GCN1: variants seen among roughly 807,000 people sequenced by gnomAD.
GCN1 encodes the protein stalled ribosome sensor GCN1.
Under a neutral mutation model 288.4 loss-of-function variants are expected in GCN1, and 90 were observed. The ratio of observed to expected loss-of-function variants is 0.31; its 90% CI spans 0.26 to 0.37. The LOEUF (loss-of-function observed/expected upper bound fraction) is 0.37. Ranked by LOEUF, GCN1 falls within the 10% of genes least tolerant of loss-of-function variation. The pLI, the probability that GCN1 is intolerant of heterozygous loss-of-function variation, is 1.00. For synonymous variants in GCN1, 1,386 were observed against 1,420.2 expected (o/e 0.98, Z 0.54); for missense variants, 2,586 against 3,419.9 (o/e 0.76, Z 6.08).
chr12:120,169,988 TC>T (rs1197075247), intron 15 of GCN1, among the ~76,000 whole-genome samples, 180 bp downstream of exon 15: 3 of 152,178 alleles, frequency 2.0e-5, no homozygotes, highest in African/African-American at 7.2e-5. Context: ...AGTGACACAG[TC>T]CCCTGACTGC....
intron 5 of GCN1, among the ~76,000 whole-genome samples, chr12:120,182,945 A>C (rs1346144949): frequency 6.6e-6 from 1 of 151,424 alleles, no homozygotes; most frequent in Non-Finnish European, 1.5e-5. Flanking sequence ...AAAAAAAAAA[A>C]AAAAAAACTA....
Position 120,184,807 on chromosome 12 carries a change from C to T in GCN1, c.185+17G>A. ...GTACAAAGTGCTCCACATATGGGGC[C>T]TTTGGCTGGGACTCACCTATATCGA... On this transcript the variant is annotated intron_variant, in intron 3 of 57. Coordinates refer to ENST00000300648, the MANE Select transcript of GCN1 (RefSeq NM_006836.2). 6.3e-7 allele frequency: 1 copy of T among 1,588,132 alleles called. No individual in the cohort carries two copies.
At position 120,131,191 on chromosome 12, in the gene GCN1, C is replaced by T. The variant is rs372015112; in HGVS notation, c.7557G>A (p.Ala2519=). 90 of 1,613,932 alleles carry T rather than the reference C, an allele frequency of 5.6e-5. No individual in the cohort carries two copies. The East Asian group carries it at 6.2e-4, about 11-fold the overall frequency. ...TATGGCCCGAATGCCTTACCCTGTC[C>T]GCCGTGGCACTGCTCAGGATCATTT... ...VQEMILSSAT[A]DRIPIAVSGV... The change falls in exon 55 of 58, where the codon GCG becomes GCA. Residue 2519 remains alanine, a synonymous_variant. Transcript: ENST00000300648.
chr12:120,136,849 A>G, intron 50 of GCN1, 117 bp from the exon 51 acceptor site: 3 of 720,974 alleles, frequency 4.2e-6, no homozygotes, highest in Non-Finnish European at 7.1e-6. Flanking sequence ...GGAGATATTG[A>G]TTTGGGCTGA....
At chr12:120,173,934 TATTTCAG>T in intron 13 of GCN1, 108 bp from the exon 14 acceptor site, 7 of 1,060,470 alleles carry the variant, frequency 6.6e-6, no homozygotes, top group Middle Eastern at 2.0e-4. Flanking sequence ...GAAGCAGTGA[TATTTCAG>T]ACAGCTACGA....
intron 22 of GCN1, among the ~76,000 whole-genome samples, chr12:120,160,456 AG>A (rs1188211600): frequency 6.6e-6 from 1 of 152,214 alleles, no homozygotes; most frequent in South Asian, 2.1e-4. Context: ...AGACAGCAAT[AG>A]AGAAGTAGTT....
chr12:120,192,470 G>A (rs1879034026), intron 1 of GCN1, among the ~76,000 whole-genome samples: 2 of 152,222 alleles, frequency 1.3e-5, no homozygotes, highest in Admixed American at 1.3e-4. Flanking sequence ...GCTCACGCCT[G>A]TAATCCCAGC....
At chr12:120,157,045 C>T (rs1331956039) in intron 26 of GCN1, 53 bp from the exon 27 acceptor site, 21 of 1,257,898 alleles carry the variant, frequency 1.7e-5, no homozygotes, top group Non-Finnish European at 2.3e-5. Context: ...GGTCTGTAAC[C>T]CAGGCGGCCA....
At chr12:120,146,258 T>A in intron 38 of GCN1, among the ~76,000 whole-genome samples, 1 of 131,248 alleles carries the variant, frequency 7.6e-6, no homozygotes, top group East Asian at 2.2e-4. Context: ...AGAGCAAGAC[T>A]CCATCTCAAA....
At chr12:120,184,078 C>T (rs1414489439) in intron 4 of GCN1, 34 bp downstream of exon 4, 4 of 1,593,316 alleles carry the variant, frequency 2.5e-6, no homozygotes, top group Non-Finnish European at 3.4e-6. Context: ...AGGACTGTAC[C>T]AATTCTCAGG....
chr12:120,157,808 T>A, intron 26 of GCN1, 41 bp downstream of exon 26: 1 of 1,548,482 alleles, frequency 6.5e-7, no homozygotes, highest in Non-Finnish European at 8.9e-7. Flanking sequence ...GCCTCCCTGA[T>A]CCCCTTTAAA....
At position 120,160,134 on chromosome 12, in the gene GCN1, C is replaced by A. The variant is rs772661323; in HGVS notation, c.2550+8G>T. 4 of 1,598,072 alleles carry A rather than the reference C, an allele frequency of 2.5e-6. No homozygotes were observed. Among genetic ancestry groups the A allele is most frequent in the Non-Finnish European group, 8.6e-7 (1 of 1,166,370 alleles). ...CGGCTTGAGCATGTGGCGGAGGTGGCCACTCACCTCCTGCAGCCGCCTCCG... is the reference window on the plus strand; with the variant it reads ...CGGCTTGAGCATGTGGCGGAGGTGGACACTCACCTCCTGCAGCCGCCTCCG... On this transcript the variant is annotated splice_region_variant and intron_variant, in intron 23 of 57. Transcript: ENST00000300648.
intron 14 of GCN1, among the ~76,000 whole-genome samples, chr12:120,172,127 G>A (rs756963022): frequency 8.5e-5 from 13 of 152,068 alleles, no homozygotes; most frequent in African/African-American, 4.8e-5. Context: ...GCCTCCCAAA[G>A]TGTTGGGATT....
intron 54 of GCN1, 113 bp from the exon 55 acceptor site, chr12:120,131,446 G>A: frequency 9.8e-7 from 1 of 1,019,886 alleles, no homozygotes; most frequent in South Asian, 1.5e-5. Flanking sequence ...CAGAGCACAA[G>A]GAAAACTCCA....
chr12:120,173,025 A>G (rs17415494), intron 14 of GCN1, among the ~76,000 whole-genome samples: 3,790 of 150,640 alleles, frequency 0.025, 93 homozygotes, highest in Middle Eastern at 0.052. Flanking sequence ...TCCAGAGTAA[A>G]GTTTACACGA....
Position 120,144,589 on chromosome 12 carries a change from C to T in GCN1, c.5352+50G>A, listed in dbSNP as rs1384257548. 1 of 1,562,544 alleles carries T rather than the reference C, an allele frequency of 6.4e-7. No homozygotes were observed. The highest frequency in any genetic ancestry group is 8.8e-7 in the Non-Finnish European group (1 of 1,137,328). Reference sequence around the variant, plus strand: ...CTCTAGCTCTCCAGGTGAGCACTTGCCTCCTGCCCTCCTCAAGGACTCTAC... The same window carrying T: ...CTCTAGCTCTCCAGGTGAGCACTTGTCTCCTGCCCTCCTCAAGGACTCTAC... On this transcript the variant is annotated intron_variant, in intron 41 of 57. Transcript: ENST00000300648. The surrounding 1 kb of genome is among the most constrained non-coding windows in gnomAD (Gnocchi z 4.7).
At position 120,142,495 on chromosome 12, in the gene GCN1, C is replaced by T. The variant is rs1877229207; in HGVS notation, c.5829+12G>A. The T allele has an allele frequency of 6.2e-7, 1 of 1,609,074 alleles. No homozygotes were observed. Among genetic ancestry groups the T allele is most frequent in the African/African-American group, 1.3e-5 (1 of 74,804 alleles). ...GGGGCTGCTGGTCCAAAACAAGGCCCAGGAAACTCACCGTTCTCTTATCTG... is the reference window on the plus strand; with the variant it reads ...GGGGCTGCTGGTCCAAAACAAGGCCTAGGAAACTCACCGTTCTCTTATCTG... On this transcript the variant is annotated intron_variant, in intron 44 of 57. Transcript: ENST00000300648. This position sits in a 1 kb window ranked among gnomAD's most constrained non-coding sequence, Gnocchi z 4.9.
chr12:120,147,946 A>T (rs1016080766), intron 37 of GCN1, among the ~76,000 whole-genome samples: 1 of 152,164 alleles, frequency 6.6e-6, no homozygotes, highest in Non-Finnish European at 1.5e-5. Flanking sequence ...GGTCCAGATA[A>T]TGTCATTCAG....
Position 120,144,740 on chromosome 12 carries a change from G to A in GCN1, c.5251C>T (p.His1751Tyr), listed in dbSNP as rs762924784. Residue 1751 changes from histidine (H) to tyrosine (Y), a missense_variant, in exon 41 of 58, where the codon CAT (histidine) becomes TAT (tyrosine). Around this residue, in one of 8 missense-constraint regions of GCN1, gnomAD observed 371 missense variants for 572.6 expected, o/e 0.65. Coordinates refer to ENST00000300648, the MANE Select transcript of GCN1 (RefSeq NM_006836.2). This position sits in a 1 kb window ranked among gnomAD's most constrained non-coding sequence, Gnocchi z 4.7. ...ATASKVDIAP[H>Y]VRDGYIMMFN... ...ATCATAATGTAGCCATCTCGGACAT[G>A]GGGTGCAATGTCCACTTTGCTGGCT... 18 of 1,612,676 alleles carry A rather than the reference G, an allele frequency of 1.1e-5. No homozygotes were observed. Among genetic ancestry groups the A allele is most frequent in the East Asian group, 4.5e-5 (2 of 44,882 alleles).
Sources: gnomAD v4.1 joint callset for allele counts (sites outside exome capture counted in the v4.1 genomes callset) on GRCh38, gnomAD v4.1.1 for gene constraint, gnomAD v4.1.1 regional missense constraint, Gnocchi (gnomAD v3.1) non-coding constraint, MANE v1.5 for transcripts, NCBI Gene and HGNC (gene_info 2026-07-23, HGNC 2026-07-21) for gene names.